BRCA1: variants seen among roughly 807,000 people sequenced by gnomAD.
The protein encoded by BRCA1 is BRCA1 DNA repair associated.
Under a neutral mutation model 173.7 loss-of-function variants are expected in BRCA1, and 140 were observed. That is an observed-to-expected ratio of 0.81 (90% CI 0.70 to 0.93). The LOEUF is 0.93. BRCA1 is among the 40% of genes least tolerant of loss of function. The pLI, the probability that BRCA1 is intolerant of heterozygous loss-of-function variation, is 0.00. For missense variants in BRCA1, 1,983 were observed against 2,172.5 expected (o/e 0.91, Z 1.73); for synonymous variants, 662 against 756.0 (o/e 0.88, Z 2.04).
intron 7 of BRCA1, among the ~76,000 whole-genome samples, chr17:43,098,293 C>T (rs1461687608): frequency 2.0e-5 from 3 of 151,874 alleles, no homozygotes; most frequent in African/African-American, 7.3e-5. Context: ...GCTGAGATTA[C>T]AGATGTGAGC....
At chr17:43,102,920 T>G (rs2054556477) in intron 6 of BRCA1, among the ~76,000 whole-genome samples, 1 of 151,796 alleles carries the variant, frequency 6.6e-6, no homozygotes, top group African/African-American at 2.4e-5. Context: ...GTGCTGGAAT[T>G]ACAGGCGTGA....
chr17:43,150,110 G>GTATT (rs967914338), intron 1 of BRCA1, among the ~76,000 whole-genome samples: 1 of 151,834 alleles, frequency 6.6e-6, no homozygotes, highest in Non-Finnish European at 1.5e-5. Flanking sequence ...TACTTAATTT[G>GTATT]TATTTATTTA....
intron 1 of BRCA1, among the ~76,000 whole-genome samples, chr17:43,135,608 G>C (rs994094898): frequency 1.3e-5 from 2 of 152,286 alleles, no homozygotes; most frequent in South Asian, 2.1e-4. Flanking sequence ...CGCGGTCTTC[G>C]GAGCCTTCAG....
chr17:43,079,117 T>G (rs1052835009), intron 12 of BRCA1, among the ~76,000 whole-genome samples: 1 of 152,122 alleles, frequency 6.6e-6, no homozygotes, highest in Non-Finnish European at 1.5e-5. Context: ...GACATTGTAA[T>G]GAGCCGAAAT....
chr17:43,100,846 C>T (rs1031432324), intron 6 of BRCA1, among the ~76,000 whole-genome samples: 1 of 149,096 alleles, frequency 6.7e-6, no homozygotes. Flanking sequence ...ATTCTCCTGC[C>T]TCAGCCTCCC....
chr17:43,051,166 A>G, intron 19 of BRCA1, 49 bp from the exon 20 acceptor site: 1 of 1,522,578 alleles, frequency 6.6e-7, no homozygotes, highest in African/African-American at 1.4e-5. Flanking sequence ...AGAGAAGGAA[A>G]ATCTAGTTAT....
intron 1 of BRCA1, among the ~76,000 whole-genome samples, chr17:43,135,693 A>G (rs1158270120): frequency 5.3e-5 from 8 of 152,116 alleles, no homozygotes; most frequent in African/African-American, 1.9e-4. Context: ...CCTCGGCTCC[A>G]ACCGATTCCA....
chr17:43,079,970 CT>C (rs1023444761), intron 12 of BRCA1, among the ~76,000 whole-genome samples: 1 of 151,952 alleles, frequency 6.6e-6, no homozygotes, highest in African/African-American at 2.4e-5. Context: ...AACCTTTCTG[CT>C]TTTTTTTCTC....
At chr17:43,106,967 C>T (rs761617984) in intron 3 of BRCA1, among the ~76,000 whole-genome samples, 1 of 151,928 alleles carries the variant, frequency 6.6e-6, no homozygotes, top group Non-Finnish European at 1.5e-5. Context: ...TAAGAATAGA[C>T]ACATACATCA....
At chr17:43,158,651 G>A (rs1416007416) in intron 1 of BRCA1, among the ~76,000 whole-genome samples, 2 of 152,134 alleles carry the variant, frequency 1.3e-5, no homozygotes, top group Non-Finnish European at 2.9e-5. Flanking sequence ...AAGAACTAAT[G>A]TAGTTTATTA....
rs397508826 is a variant in BRCA1 at position 43,094,519 on chromosome 17, T to A, written c.1012A>T (p.Lys338Ter). The A allele has an allele frequency of 1.9e-6, 3 of 1,614,124 alleles. No homozygotes were observed. Among genetic ancestry groups the A allele is most frequent in the Non-Finnish European group, 2.5e-6 (3 of 1,180,030 alleles). Residue 338 changes from lysine to a stop codon, truncating the protein, a stop_gained, in exon 10 of 23, where the codon AAA becomes TAA. Coordinates refer to ENST00000357654, the MANE Select transcript of BRCA1 (RefSeq NM_007294.4). LOFTEE classifies it high-confidence loss of function. ...GGATCAGCATTCAGATCTACCTTTT[T>A]TTCTGTGCTGGGAGTCCGCCTATCA... Reference protein sequence around the residue: ...CNDRRTPSTEKKVDLNADPLC... With the variant: ...CNDRRTPSTE
chr17:43,169,216 C>T (rs1383341031), intron 1 of BRCA1, among the ~76,000 whole-genome samples: 1 of 152,146 alleles, frequency 6.6e-6, no homozygotes, highest in Admixed American at 6.5e-5. Flanking sequence ...TGTCGTTCTG[C>T]CACCCAGGCT....
intron 11 of BRCA1, among the ~76,000 whole-genome samples, chr17:43,088,732 C>T (rs1324640910): frequency 2.0e-5 from 3 of 152,106 alleles, no homozygotes; most frequent in African/African-American, 7.2e-5. Context: ...CAGGATGAAT[C>T]GAGGGGGTCT....
rs3092987 is a variant in BRCA1, at chr17:43,070,706, T to C, written c.4986+222A>G. ...AAAGTATAGCTTTTCCACTAATATT[T>C]AATAATTATTTTCTCAAGTAAATAT... On this transcript the variant is annotated intron_variant, in intron 15 of 22. Transcript: ENST00000357654. Among the ~76,000 whole-genome samples, 45,847 of 152,112 alleles carry C rather than the reference T, an allele frequency of 0.3. 7,473 individuals carry two copies. The highest frequency in any genetic ancestry group is 0.49 in the South Asian group (2,376 of 4,824).
upstream of BRCA1, among the ~76,000 whole-genome samples, chr17:43,130,218 G>A (rs2055953856): frequency 6.6e-6 from 1 of 152,138 alleles, no homozygotes; most frequent in Non-Finnish European, 1.5e-5. Context: ...GTCCGGCTTT[G>A]TTGCCCAGGC....
At chr17:43,102,293 G>C (rs1448532633) in intron 6 of BRCA1, among the ~76,000 whole-genome samples, 2 of 148,676 alleles carry the variant, frequency 1.3e-5, no homozygotes, top group Non-Finnish European at 3.0e-5. Context: ...GGATAGTCTT[G>C]ATCTCCACAC....
chr17:43,049,063 C>G, intron 21 of BRCA1, 58 bp downstream of exon 21: 1 of 1,543,244 alleles, frequency 6.5e-7, no homozygotes, highest in Non-Finnish European at 8.9e-7. Flanking sequence ...AGGTGCCAGT[C>G]TTGCTCACAG....
rs964674405 is a variant in BRCA1, at chr17:43,070,741, A to G, written c.4986+187T>C. On this transcript the variant is annotated intron_variant, in intron 15 of 22. Transcript: ENST00000357654. ...TTTCTCAAGTAAATATACATAAAAT[A>G]ATCCACACTATAGCTTTATCTAGAT... is the stretch of plus-strand genomic sequence containing the variant. 2.6e-5 allele frequency among the ~76,000 whole-genome samples: 4 copies of G among 152,272 alleles called. No homozygotes were observed. The East Asian group carries it at 7.7e-4, about 29-fold the overall frequency.
chr17:43,087,860 T>C (rs1056421476), intron 11 of BRCA1, among the ~76,000 whole-genome samples: 2 of 151,594 alleles, frequency 1.3e-5, no homozygotes, highest in Admixed American at 6.6e-5. Flanking sequence ...GCCACTCAAG[T>C]AGCTGAGACT....
Sources: gnomAD v4.1 joint callset for allele counts (sites outside exome capture counted in the v4.1 genomes callset) on GRCh38, gnomAD v4.1.1 for gene constraint, MANE v1.5 for transcripts, NCBI Gene and HGNC (gene_info 2026-07-23, HGNC 2026-07-21) for gene names.